SSBP2: variants seen among roughly 807,000 people sequenced by gnomAD.
The protein encoded by SSBP2 is single stranded DNA binding protein 2, also known as single-stranded DNA-binding protein 2.
Under a neutral mutation model 61.8 loss-of-function variants are expected in SSBP2, and 17 were observed. The ratio of observed to expected loss-of-function variants is 0.28; its 90% CI spans 0.19 to 0.41. SSBP2 has a LOEUF of 0.41. Ranked by LOEUF, SSBP2 falls within the 10% of genes least tolerant of loss-of-function variation. The pLI is 1.00. For synonymous variants in SSBP2, 139 were observed against 141.3 expected, an observed-to-expected ratio of 0.98 and a Z score of 0.12; for missense variants, 310 against 458.7, an observed-to-expected ratio of 0.68 and a Z score of 2.96.
chr5:81,730,892 A>C (rs962132929), intron 1 of SSBP2, among the ~76,000 whole-genome samples: 3 of 151,994 alleles, frequency 2.0e-5, no homozygotes, highest in Non-Finnish European at 1.5e-5. Flanking sequence ...CGTACTTAAT[A>C]AGCAAATGAA....
chr5:81,557,587 A>G (rs1380772776), intron 4 of SSBP2, among the ~76,000 whole-genome samples: 1 of 151,982 alleles, frequency 6.6e-6, no homozygotes, highest in Non-Finnish European at 1.5e-5. Context: ...GACAGTTTCT[A>G]TTGCTATGTC....
chr5:81,704,776 A>G (rs1442031695), intron 1 of SSBP2, among the ~76,000 whole-genome samples: 2 of 124,798 alleles, frequency 1.6e-5, no homozygotes, highest in African/African-American at 3.1e-5. Flanking sequence ...AGCCTGGGTG[A>G]CGGGGAATGA....
intron 4 of SSBP2, among the ~76,000 whole-genome samples, chr5:81,554,079 A>G (rs924977724): frequency 2.0e-5 from 3 of 152,156 alleles, no homozygotes; most frequent in Non-Finnish European, 2.9e-5. Flanking sequence ...GAGTGCTTGC[A>G]TAAGTAACAA....
rs61254614 is a variant in SSBP2 at position 81,547,036 on chromosome 5, C to CAAA, written c.283-33322_283-33320dup. ...TTTATAGTAAAGGGCAAATCTTGGC[C>CAAA]AAAAAAAAAAAAAAAAAAAAAGTCT... On this transcript the variant is annotated intron_variant, in intron 4 of 16. Transcript: ENST00000320672. 6.7e-3 allele frequency among the ~76,000 whole-genome samples: 358 copies of CAAA among 53,548 alleles called. 13 individuals carry two copies. Among genetic ancestry groups the CAAA allele is most frequent in the Middle Eastern group, 0.028 (2 of 72 alleles). The allele number at this position is 53,548 out of a possible 152,430, so 35.1% of individuals were successfully genotyped here. A position where few individuals can be genotyped will look rare whatever the true frequency, so the allele number is the denominator to read the frequency against.
chr5:81,468,652 G>A (rs1186859499), intron 8 of SSBP2, among the ~76,000 whole-genome samples: 1 of 151,914 alleles, frequency 6.6e-6, no homozygotes, highest in African/African-American at 2.4e-5. Flanking sequence ...CATCTTCCCT[G>A]GCCTTTAAGT....
chr5:81,749,977 C>A (rs1445400804), intron 1 of SSBP2, among the ~76,000 whole-genome samples: 1 of 152,160 alleles, frequency 6.6e-6, no homozygotes, highest in Non-Finnish European at 1.5e-5. Context: ...AGCTGCCCTC[C>A]TCGGGCGCCC....
chr5:81,547,093 G>A (rs1771794365), intron 4 of SSBP2, among the ~76,000 whole-genome samples: 1 of 122,748 alleles, frequency 8.1e-6, no homozygotes, highest in Admixed American at 8.4e-5. Flanking sequence ...CCAAAATCCA[G>A]AACACTAACA....
At chr5:81,676,689 C>A (rs1222194710) in intron 1 of SSBP2, among the ~76,000 whole-genome samples, 3 of 152,166 alleles carry the variant, frequency 2.0e-5, no homozygotes, top group South Asian at 4.1e-4. Context: ...TCCTCTCTTA[C>A]CCCCTCCTTC....
chr5:81,503,192 T>G (rs1387490477), intron 5 of SSBP2, among the ~76,000 whole-genome samples: 1 of 152,130 alleles, frequency 6.6e-6, no homozygotes, highest in Non-Finnish European at 1.5e-5. Flanking sequence ...TGGTGGCTCA[T>G]ACCTGTAATT....
intron 5 of SSBP2, among the ~76,000 whole-genome samples, chr5:81,499,476 A>T (rs1767536793): frequency 6.6e-6 from 1 of 152,232 alleles, no homozygotes; most frequent in Non-Finnish European, 1.5e-5. Flanking sequence ...TGGGAGACTA[A>T]GCTGTCTGCT....
chr5:81,596,651 A>G (rs1346399900), intron 4 of SSBP2, among the ~76,000 whole-genome samples: 7 of 46,152 alleles, frequency 1.5e-4, no homozygotes, highest in Non-Finnish European at 2.2e-4. Flanking sequence ...ATATAGACCA[A>G]TGGAACAGAA....
intron 1 of SSBP2, among the ~76,000 whole-genome samples, chr5:81,747,069 G>A (rs1757402458): frequency 1.3e-5 from 2 of 149,830 alleles, no homozygotes; most frequent in Admixed American, 6.7e-5. Context: ...ATTATGTTAG[G>A]CTTCCAACTT....
At chr5:81,707,939 A>T (rs1201298575) in intron 1 of SSBP2, among the ~76,000 whole-genome samples, 3 of 152,198 alleles carry the variant, frequency 2.0e-5, no homozygotes, top group Non-Finnish European at 4.4e-5. Context: ...TGCTTTAAGA[A>T]AAAGAGCATA....
chr5:81,484,176 T>C (rs1766211743), intron 6 of SSBP2, among the ~76,000 whole-genome samples: 3 of 152,200 alleles, frequency 2.0e-5, no homozygotes, highest in African/African-American at 4.8e-5. Flanking sequence ...GTGAAGTTTC[T>C]ATCCAAATAT....
chr5:81,589,743 T>C (rs941402580), intron 4 of SSBP2, among the ~76,000 whole-genome samples: 15 of 152,196 alleles, frequency 9.9e-5, no homozygotes, highest in African/African-American at 3.6e-4. Context: ...ATAAAAGATA[T>C]GTATTTTGGC....
At chr5:81,719,011 C>A (rs145506633) in intron 1 of SSBP2, among the ~76,000 whole-genome samples, 2 of 152,090 alleles carry the variant, frequency 1.3e-5, no homozygotes, top group South Asian at 4.1e-4. Context: ...CATTTTCCCC[C>A]GTTTACATTT....
intron 1 of SSBP2, among the ~76,000 whole-genome samples, chr5:81,657,855 T>C (rs1477033291): frequency 6.6e-6 from 1 of 152,174 alleles, no homozygotes; most frequent in Non-Finnish European, 1.5e-5. Context: ...GGAAGGAGGA[T>C]TTAGCTATTT....
At chr5:81,533,389 G>C (rs1259122995) in intron 4 of SSBP2, among the ~76,000 whole-genome samples, 4 of 151,938 alleles carry the variant, frequency 2.6e-5, no homozygotes, top group African/African-American at 7.2e-5. Context: ...TACTGGGAGA[G>C]TGAGTATTAC....
intron 4 of SSBP2, among the ~76,000 whole-genome samples, chr5:81,578,089 G>A (rs1422923950): frequency 6.6e-6 from 1 of 151,976 alleles, no homozygotes. Context: ...GAGGTAGATA[G>A]AGCAAAAGCA....
Sources: gnomAD v4.1 joint callset for allele counts (sites outside exome capture counted in the v4.1 genomes callset) on GRCh38, gnomAD v4.1.1 for gene constraint, MANE v1.5 for transcripts, NCBI Gene and HGNC (gene_info 2026-07-23, HGNC 2026-07-21) for gene names.